AFF3: variants seen among roughly 807,000 people sequenced by gnomAD.
The protein encoded by AFF3 is ALF transcription elongation factor 3, also known as AF4/FMR2 family member 3.
In AFF3, 32 loss-of-function variants were observed where a neutral mutation model predicts 129.7. The ratio of observed to expected loss-of-function variants is 0.25; its 90% CI spans 0.19 to 0.33. AFF3 has a LOEUF of 0.33. AFF3 is among the 10% of genes least tolerant of loss of function. The pLI is 1.00. For synonymous variants in AFF3, 644 were observed against 635.4 expected, an observed-to-expected ratio of 1.01 and a Z score of -0.20; for missense variants, 1,373 against 1,592.0, an observed-to-expected ratio of 0.86 and a Z score of 2.34.
Position 99,560,245 on chromosome 2 carries a change from C to T in AFF3, c.3191+120G>A, listed in dbSNP as rs979821096. 27 of 1,059,336 alleles carry T rather than the reference C, an allele frequency of 2.5e-5. No individual in the cohort carries two copies. In the African/African-American group the frequency reaches 4.3e-4, roughly 17 times the overall value. The allele number at this position is 1,059,336 out of a possible 1,614,324, so 65.6% of individuals were successfully genotyped here. On this transcript the variant is annotated intron_variant, in intron 21 of 24. Transcript: ENST00000672756. Reference sequence around the variant, plus strand: ...TCTGGACTTTCCCTGGTCATTAGAACTGCTCTGGGGCTTTGTATGTTAGAA... The same window carrying T: ...TCTGGACTTTCCCTGGTCATTAGAATTGCTCTGGGGCTTTGTATGTTAGAA...
At chr2:99,610,923 C>T (rs895606315) in intron 13 of AFF3, among the ~76,000 whole-genome samples, 3 of 152,164 alleles carry the variant, frequency 2.0e-5, no homozygotes, top group African/African-American at 7.2e-5. Context: ...ACTCTGATGA[C>T]ACCCACGTAA....
chr2:99,716,287 G>A lies in AFF3; in HGVS notation c.1091+10790C>T, dbSNP rs184795326. On this transcript the variant is annotated intron_variant, in intron 11 of 24. Transcript: ENST00000672756. ...TTCAATTACTTGATCTTCTTGAGAT[G>A]GTTATTGTCTCTAGAGAAACAATAT... 5.9e-5 allele frequency among the ~76,000 whole-genome samples: 9 copies of A among 152,222 alleles called. No individual in the cohort carries two copies. The East Asian group carries it at 9.7e-4, about 16-fold the overall frequency.
intron 8 of AFF3, among the ~76,000 whole-genome samples, chr2:99,835,055 C>A (rs574114957): frequency 6.6e-6 from 1 of 152,180 alleles, no homozygotes; most frequent in Non-Finnish European, 1.5e-5. Context: ...TGATTTCCGC[C>A]CTTCCCGCAA....
At chr2:99,659,840 T>C (rs1686070787) in intron 12 of AFF3, among the ~76,000 whole-genome samples, 2 of 152,064 alleles carry the variant, frequency 1.3e-5, no homozygotes, top group African/African-American at 4.8e-5. Flanking sequence ...AAAAGACCTG[T>C]GTGCGCAGAA....
chr2:100,021,169 C>T (rs997449045), intron 4 of AFF3, among the ~76,000 whole-genome samples: 1 of 152,172 alleles, frequency 6.6e-6, no homozygotes, highest in Non-Finnish European at 1.5e-5. Flanking sequence ...ACGTAGAACC[C>T]TCCACTCTCC....
At chr2:99,942,789 C>T (rs985694143) in intron 7 of AFF3, among the ~76,000 whole-genome samples, 3 of 152,052 alleles carry the variant, frequency 2.0e-5, no homozygotes, top group Non-Finnish European at 4.4e-5. Context: ...AGGGGATTCC[C>T]ATCAGAGAAG....
intron 13 of AFF3, among the ~76,000 whole-genome samples, chr2:99,633,869 C>T (rs1683357957): frequency 6.6e-6 from 1 of 151,474 alleles, no homozygotes. Context: ...CCTGTACAGC[C>T]TGCAGAACTG....
intron 7 of AFF3, among the ~76,000 whole-genome samples, chr2:99,917,937 A>G (rs898037491): frequency 6.6e-6 from 1 of 152,194 alleles, no homozygotes; most frequent in Non-Finnish European, 1.5e-5. Context: ...ACAGAAATAA[A>G]AATCCTAGGA....
At chr2:99,868,399 A>ACAT (rs1264683141) in intron 7 of AFF3, among the ~76,000 whole-genome samples, 1 of 152,152 alleles carries the variant, frequency 6.6e-6, no homozygotes, top group Non-Finnish European at 1.5e-5. Flanking sequence ...CTGAAATCCA[A>ACAT]CATCAGGCCG....
At chr2:99,604,632 A>AAAATC (rs1160932184) in intron 13 of AFF3, among the ~76,000 whole-genome samples, 1 of 152,198 alleles carries the variant, frequency 6.6e-6, no homozygotes, top group Non-Finnish European at 1.5e-5. Flanking sequence ...TTAACTTAAA[A>AAAATC]AAATCGTTTT....
At chr2:99,924,309 A>C (rs556219660) in intron 7 of AFF3, among the ~76,000 whole-genome samples, 14 of 152,350 alleles carry the variant, frequency 9.2e-5, no homozygotes, top group African/African-American at 3.4e-4. Context: ...CCCTTCATCC[A>C]ACACAAATCT....
chr2:99,646,979 T>C (rs1575590051), intron 13 of AFF3, among the ~76,000 whole-genome samples: 1 of 152,334 alleles, frequency 6.6e-6, no homozygotes, highest in East Asian at 1.9e-4. Context: ...AGAATGGCTG[T>C]TATTGAAAAG....
intron 13 of AFF3, among the ~76,000 whole-genome samples, chr2:99,635,766 T>C (rs888580875): frequency 6.6e-6 from 1 of 152,152 alleles, no homozygotes; most frequent in African/African-American, 2.4e-5. Flanking sequence ...TCCATCTCTC[T>C]AGGCTTCAGT....
At chr2:99,821,413 C>G (rs1687670939) in intron 8 of AFF3, among the ~76,000 whole-genome samples, 2 of 151,690 alleles carry the variant, frequency 1.3e-5, no homozygotes, top group Non-Finnish European at 1.5e-5. Context: ...GGAAGAAGAA[C>G]AAAATTGTCT....
intron 7 of AFF3, among the ~76,000 whole-genome samples, chr2:99,886,419 A>ATTT (rs11464583): frequency 6.7e-6 from 1 of 148,734 alleles, no homozygotes. Context: ...AGTCATTACA[A>ATTT]TTTTTTTTTT....
At chr2:99,995,465 C>T (rs564841271) in intron 7 of AFF3, among the ~76,000 whole-genome samples, 5 of 152,044 alleles carry the variant, frequency 3.3e-5, no homozygotes, top group East Asian at 1.9e-4. Context: ...CTCCGCCTCC[C>T]GGGTTCACGC....
intron 4 of AFF3, among the ~76,000 whole-genome samples, chr2:100,046,228 A>C (rs1179336758): frequency 6.6e-6 from 1 of 152,188 alleles, no homozygotes; most frequent in Admixed American, 6.5e-5. Context: ...ACATTATCCT[A>C]TACCTACTCT....
intron 13 of AFF3, among the ~76,000 whole-genome samples, chr2:99,619,991 G>A (rs1012155013): frequency 1.2e-4 from 18 of 152,168 alleles, no homozygotes; most frequent in African/African-American, 3.4e-4. Context: ...TGACCCAAAC[G>A]GGTTCTCTGT....
intron 10 of AFF3, among the ~76,000 whole-genome samples, chr2:99,731,832 C>T (rs1429661381): frequency 6.6e-6 from 1 of 152,202 alleles, no homozygotes; most frequent in Non-Finnish European, 1.5e-5. Context: ...TTATGTTCTA[C>T]CACGTCACAG....
Sources: allele counts gnomAD v4.1 joint callset (sites outside exome capture counted in the v4.1 genomes callset), GRCh38; gene constraint gnomAD v4.1.1; transcripts MANE v1.5; gene names NCBI Gene and HGNC (gene_info 2026-07-23, HGNC 2026-07-21).